HS3ST2: variants seen among roughly 807,000 people sequenced by gnomAD.
The protein encoded by HS3ST2 is heparan sulfate glucosamine 3-O-sulfotransferase 2.
A neutral mutation model predicts 26.3 loss-of-function variants in HS3ST2; 17 were observed. The ratio of observed to expected loss-of-function variants is 0.65; its 90% CI spans 0.44 to 0.97. HS3ST2 has a LOEUF of 0.97. Among genes scored for constraint, HS3ST2 ranks in the 50% least tolerant of loss-of-function variants. The pLI, the probability that HS3ST2 is intolerant of heterozygous loss-of-function variation, is 0.00. For synonymous variants in HS3ST2, 237 were observed against 219.2 expected (o/e 1.08, Z -0.72); for missense variants, 402 against 501.2 (o/e 0.80, Z 1.89).
At chr16:22,906,149 G>A (rs867736121) in intron 1 of HS3ST2, among the ~76,000 whole-genome samples, 2 of 152,244 alleles carry the variant, frequency 1.3e-5, no homozygotes, top group South Asian at 2.1e-4. Context: ...GAGGCAGGCA[G>A]ATCACGAGGT....
At chr16:22,872,980 G>T (rs1901859169) in intron 1 of HS3ST2, among the ~76,000 whole-genome samples, 1 of 152,180 alleles carries the variant, frequency 6.6e-6, no homozygotes, top group Non-Finnish European at 1.5e-5. Context: ...CACCAGACAT[G>T]TGACCATGAA....
At chr16:22,889,334 A>G (rs2141200119) in intron 1 of HS3ST2, among the ~76,000 whole-genome samples, 1 of 152,344 alleles carries the variant, frequency 6.6e-6, no homozygotes, top group East Asian at 1.9e-4. Context: ...ATCCTGTAAC[A>G]TGTGCCAACA....
chr16:22,847,339 C>T (rs1374254171), intron 1 of HS3ST2, among the ~76,000 whole-genome samples: 1 of 152,134 alleles, frequency 6.6e-6, no homozygotes, highest in Admixed American at 6.5e-5. Flanking sequence ...CATAGAATTC[C>T]ATGGTGTATA....
chr16:22,841,188 A>G (rs1251499835), intron 1 of HS3ST2, among the ~76,000 whole-genome samples: 1 of 152,024 alleles, frequency 6.6e-6, no homozygotes, highest in Non-Finnish European at 1.5e-5. Flanking sequence ...CAGCCTCCTG[A>G]GTAGCTGGGA....
intron 1 of HS3ST2, among the ~76,000 whole-genome samples, chr16:22,866,463 A>C (rs1430387880): frequency 6.6e-6 from 1 of 151,620 alleles, no homozygotes; most frequent in Non-Finnish European, 1.5e-5. Context: ...TATTTGAATA[A>C]ATATGCAGAA....
In HS3ST2 at chr16:22,871,097, C is replaced by T. The variant is rs139735695; in HGVS notation, c.486-43847C>T. On this transcript the variant is annotated intron_variant, in intron 1 of 1. Transcript: ENST00000261374. ...TGTGGGCCGGGCGCAGTGGCTCATG[C>T]CTGTAATCCCAGCACTTTGGGAGAC... is the stretch of plus-strand genomic sequence containing the variant. Among the ~76,000 whole-genome samples the T allele has an allele frequency of 8.3e-3, 1,270 of 152,260 alleles. 11 individuals carry two copies. Among genetic ancestry groups the T allele is most frequent in the Non-Finnish European group, 0.013 (879 of 68,018 alleles).
rs191415632 is a variant in HS3ST2 at position 22,908,565 on chromosome 16, C to G, written c.486-6379C>G. On this transcript the variant is annotated intron_variant, in intron 1 of 1. Coordinates refer to ENST00000261374, the MANE Select transcript of HS3ST2 (RefSeq NM_006043.2). The stretch of plus-strand genomic sequence containing the variant: ...GTGAGGACCTTCTTGCTGTTGGGGG[C>G]TCTCCGTAGAGTCCCAAGGCAGCAC... 5.9e-5 allele frequency among the ~76,000 whole-genome samples: 9 copies of G among 152,264 alleles called. No individual in the cohort carries two copies. The East Asian group carries it at 1.5e-3, about 26-fold the overall frequency.
chr16:22,894,659 G>T (rs1044787795), intron 1 of HS3ST2, among the ~76,000 whole-genome samples: 3 of 151,934 alleles, frequency 2.0e-5, no homozygotes, highest in Non-Finnish European at 2.9e-5. Flanking sequence ...GCCACTTTGG[G>T]AGCCCAAGGT....
At position 22,914,987 on chromosome 16, in the gene HS3ST2, A is replaced by G; in HGVS notation, c.529A>G (p.Lys177Glu). 6.2e-7 allele frequency: 1 copy of G among 1,613,692 alleles called. No individual in the cohort carries two copies. Among genetic ancestry groups the G allele is most frequent in the East Asian group, 2.2e-5 (1 of 44,836 alleles). Residue 177 changes from lysine (K) to glutamate (E), a missense_variant, in exon 2 of 2, where the codon AAG (lysine) becomes GAG (glutamate). By Grantham distance (56) the Lys-to-Glu change is moderately conservative (BLOSUM62 1). Coordinates refer to ENST00000261374, the MANE Select transcript of HS3ST2 (RefSeq NM_006043.2). ...CCTCGAGAGCCAGATCACGCTGGAG[A>G]AGACGCCCAGCTACTTTGTCACTCA... ...RTLESQITLE[K>E]TPSYFVTQEA... is the part of the protein sequence containing the mutation.
At chr16:22,847,712 T>A (rs1901457610) in intron 1 of HS3ST2, among the ~76,000 whole-genome samples, 1 of 149,266 alleles carries the variant, frequency 6.7e-6, no homozygotes, top group African/African-American at 2.5e-5. Context: ...TATTAAGCCA[T>A]AGAGTCAGGA....
In HS3ST2 at chr16:22,873,827, A is replaced by G. The variant is rs147144692; in HGVS notation, c.486-41117A>G. Among the ~76,000 whole-genome samples, 414 of 152,306 alleles carry G rather than the reference A, an allele frequency of 2.7e-3. 2 individuals are homozygous for G. The highest frequency in any genetic ancestry group is 8.8e-3 in the African/African-American group (368 of 41,584). ...TGGGGTTGGCTGGATTCACTCACAC[A>G]TCTGGGATCAACTAGTGGGTCGACT... On this transcript the variant is annotated intron_variant, in intron 1 of 1. Coordinates refer to ENST00000261374, the MANE Select transcript of HS3ST2 (RefSeq NM_006043.2).
chr16:22,887,208 T>A (rs560574335), intron 1 of HS3ST2, among the ~76,000 whole-genome samples: 1 of 152,352 alleles, frequency 6.6e-6, no homozygotes, highest in Non-Finnish European at 1.5e-5. Context: ...CTTCAGCACA[T>A]GACCTTGCTC....
intron 1 of HS3ST2, among the ~76,000 whole-genome samples, chr16:22,880,687 G>A (rs1901978334): frequency 1.3e-5 from 2 of 152,152 alleles, no homozygotes; most frequent in African/African-American, 4.8e-5. Flanking sequence ...ACCACTCAGG[G>A]AACTCCATGC....
At chr16:22,856,480 G>A (rs1330440335) in intron 1 of HS3ST2, among the ~76,000 whole-genome samples, 1 of 152,122 alleles carries the variant, frequency 6.6e-6, no homozygotes, top group Non-Finnish European at 1.5e-5. Flanking sequence ...TCAGTCTCCT[G>A]TCTTTTCCTA....
chr16:22,832,631 C>G (rs1901190046), intron 1 of HS3ST2, among the ~76,000 whole-genome samples: 1 of 151,908 alleles, frequency 6.6e-6, no homozygotes, highest in African/African-American at 2.4e-5. Flanking sequence ...TGAAAGGCAT[C>G]AGATCAGGAT....
intron 1 of HS3ST2, among the ~76,000 whole-genome samples, chr16:22,893,634 C>CTTTTTTTTTTTTTTTTTAATTTTTTTTTT (rs56664558): frequency 7.7e-6 from 1 of 130,278 alleles, no homozygotes; most frequent in Non-Finnish European, 1.6e-5. Flanking sequence ...TTTTTCTTTT[C>CTTTTTTTTTTTTTTTTTAATTTTTTTTTT]TTTTTTTTTT....
At chr16:22,892,160 G>T (rs886774461) in intron 1 of HS3ST2, among the ~76,000 whole-genome samples, 2 of 151,476 alleles carry the variant, frequency 1.3e-5, no homozygotes, top group African/African-American at 2.4e-5. Flanking sequence ...CGTGGTGGCA[G>T]GTGCCTATAG....
At chr16:22,837,128 T>G (rs933825241) in intron 1 of HS3ST2, among the ~76,000 whole-genome samples, 21 of 151,586 alleles carry the variant, frequency 1.4e-4, no homozygotes, top group Admixed American at 4.6e-4. Context: ...AGTTTTTTTT[T>G]TTTCCATTAT....
intron 1 of HS3ST2, among the ~76,000 whole-genome samples, chr16:22,848,186 G>A (rs1596613133): frequency 6.6e-6 from 1 of 152,268 alleles, no homozygotes; most frequent in South Asian, 2.1e-4. Context: ...CTGGATTTTG[G>A]CGTCAAAGGA....
Sources: allele counts gnomAD v4.1 joint callset (sites outside exome capture counted in the v4.1 genomes callset), GRCh38; gene constraint gnomAD v4.1.1; transcripts MANE v1.5; gene names NCBI Gene and HGNC (gene_info 2026-07-23, HGNC 2026-07-21).